The following MMP16 variants were observed in gnomAD, a reference collection of about 807,000 sequenced individuals.
MMP16 encodes matrix metallopeptidase 16.
MMP16 carries 12 observed loss-of-function variants against 67.8 expected under a neutral mutation model. That is an observed-to-expected ratio of 0.18 (90% CI 0.11 to 0.29). MMP16 has a LOEUF of 0.29. Among genes scored for constraint, MMP16 ranks in the 10% least tolerant of loss-of-function variants. MMP16 has a pLI of 1.00. For synonymous variants in MMP16, 249 were observed against 255.9 expected (o/e 0.97, Z 0.26); for missense variants, 475 against 765.7 (o/e 0.62, Z 4.48).
At chr8:88,154,602 T>C (rs1808474080) in intron 4 of MMP16, among the ~76,000 whole-genome samples, 1 of 151,516 alleles carries the variant, frequency 6.6e-6, no homozygotes, top group African/African-American at 2.4e-5. Context: ...TCATTCTCAG[T>C]TAACTATCGC....
At chr8:88,297,024 T>C (rs1811024473) in intron 1 of MMP16, among the ~76,000 whole-genome samples, 1 of 152,110 alleles carries the variant, frequency 6.6e-6, no homozygotes, top group African/African-American at 2.4e-5. Flanking sequence ...AAATTTCCAG[T>C]ATATTTATTA....
intron 1 of MMP16, among the ~76,000 whole-genome samples, chr8:88,294,920 C>T (rs1810989496): frequency 6.6e-6 from 1 of 152,138 alleles, no homozygotes; most frequent in Non-Finnish European, 1.5e-5. Flanking sequence ...ACCATGTTGG[C>T]CAGGCTGGCC....
Position 88,208,095 on chromosome 8 carries a change from A to G in MMP16, c.133-10789T>C, listed in dbSNP as rs540624841. Among the ~76,000 whole-genome samples the G allele has an allele frequency of 2.6e-5, 4 of 152,338 alleles. No homozygotes were observed. In the South Asian group the frequency reaches 6.2e-4, roughly 24 times the overall value. ...TGAAGAAAATCATTGAGAAGAAAAC[A>G]TAGTTGCCTGTATATAGTTTTAATG... is the stretch of plus-strand genomic sequence containing the variant. On this transcript the variant is annotated intron_variant, in intron 1 of 9. Transcript: ENST00000286614.
chr8:88,110,820 A>G (rs1438269003), intron 6 of MMP16, among the ~76,000 whole-genome samples: 2 of 151,712 alleles, frequency 1.3e-5, no homozygotes, highest in African/African-American at 4.8e-5. Flanking sequence ...AATTTCAAAT[A>G]GTATCAGAAT....
chr8:88,273,091 C>T, intron 1 of MMP16, among the ~76,000 whole-genome samples: 1 of 146,950 alleles, frequency 6.8e-6, no homozygotes, highest in Middle Eastern at 3.5e-3. Flanking sequence ...ATAACCTGCC[C>T]TTTTTTTTTT....
chr8:88,210,035 G>A (rs1809488916), intron 1 of MMP16, among the ~76,000 whole-genome samples: 1 of 152,060 alleles, frequency 6.6e-6, no homozygotes, highest in Non-Finnish European at 1.5e-5. Context: ...TTCCAGCAGT[G>A]AGTATACTAC....
At chr8:88,161,344 T>C (rs1808619140) in intron 4 of MMP16, among the ~76,000 whole-genome samples, 2 of 152,314 alleles carry the variant, frequency 1.3e-5, no homozygotes, top group South Asian at 4.1e-4. Context: ...TAGAGGTGTT[T>C]ATAGTATTCT....
intron 1 of MMP16, among the ~76,000 whole-genome samples, chr8:88,199,478 G>A (rs184788549): frequency 4.6e-5 from 7 of 151,992 alleles, no homozygotes; most frequent in East Asian, 1.9e-4. Flanking sequence ...TATGGTCAAG[G>A]TTTGTTTTCT....
At chr8:88,042,178 G>A (rs148128154) in intron 9 of MMP16, among the ~76,000 whole-genome samples, 4 of 152,262 alleles carry the variant, frequency 2.6e-5, no homozygotes, top group African/African-American at 9.6e-5. Flanking sequence ...ATTGAAAGAT[G>A]CTGAAACAGC....
intron 1 of MMP16, among the ~76,000 whole-genome samples, chr8:88,228,106 A>T (rs946363094): frequency 3.9e-5 from 6 of 152,096 alleles, no homozygotes; most frequent in Non-Finnish European, 8.8e-5. Context: ...CTTAGCAGTG[A>T]TTAAAACATT....
chr8:88,218,822 CTAAAG>C (rs1196518002), intron 1 of MMP16, among the ~76,000 whole-genome samples: 3 of 151,990 alleles, frequency 2.0e-5, no homozygotes, highest in Non-Finnish European at 2.9e-5. Context: ...AAATTAAAAT[CTAAAG>C]TAAACTACAG....
intron 4 of MMP16, among the ~76,000 whole-genome samples, chr8:88,143,605 C>A (rs573469134): frequency 7.2e-5 from 11 of 152,018 alleles, no homozygotes; most frequent in African/African-American, 2.7e-4. Flanking sequence ...ATGCCACAAA[C>A]TTGCAAAGGA....
intron 4 of MMP16, among the ~76,000 whole-genome samples, chr8:88,155,548 G>A (rs1008096623): frequency 6.6e-6 from 1 of 152,150 alleles, no homozygotes; most frequent in South Asian, 2.1e-4. Flanking sequence ...GTTTGCTTAT[G>A]TATTTTGCTT....
intron 1 of MMP16, among the ~76,000 whole-genome samples, chr8:88,302,371 C>CT (rs1165583158): frequency 6.6e-6 from 1 of 152,168 alleles, no homozygotes; most frequent in Non-Finnish European, 1.5e-5. Flanking sequence ...CCTCTCAGCT[C>CT]TTTGTTTTTC....
chr8:88,287,400 G>A (rs536662195), intron 1 of MMP16, among the ~76,000 whole-genome samples: 2 of 152,146 alleles, frequency 1.3e-5, no homozygotes, highest in African/African-American at 4.8e-5. Context: ...TCACTTGTTA[G>A]GAGAAACTTG....
At chr8:88,282,225 C>G (rs1341527371) in intron 1 of MMP16, among the ~76,000 whole-genome samples, 1 of 151,980 alleles carries the variant, frequency 6.6e-6, no homozygotes, top group Non-Finnish European at 1.5e-5. Flanking sequence ...CAGGCGTGCA[C>G]CACCACACCC....
At chr8:88,225,826 C>A (rs1809760162) in intron 1 of MMP16, among the ~76,000 whole-genome samples, 1 of 151,976 alleles carries the variant, frequency 6.6e-6, no homozygotes, top group South Asian at 2.1e-4. Flanking sequence ...CTCTGAATCA[C>A]AAGTGTTTTG....
At chr8:88,282,958 T>G (rs1585997832) in intron 1 of MMP16, among the ~76,000 whole-genome samples, 1 of 152,298 alleles carries the variant, frequency 6.6e-6, no homozygotes, top group East Asian at 1.9e-4. Context: ...TTGGTAATAC[T>G]CTATGGCTTT....
In MMP16 at chr8:88,038,351, T is replaced by C. The variant is rs893364111; in HGVS notation, c.*3110A>G. 3.9e-5 allele frequency: 6 copies of C among 152,458 alleles called. No individual in the cohort carries two copies. The highest frequency in any genetic ancestry group is 1.3e-4 in the Admixed American group (2 of 15,244). 9.4% of individuals were successfully genotyped at this position (152,458 alleles called of 1,614,324 possible). The stretch of plus-strand genomic sequence containing the variant: ...TAAAGTAAATATGACCCAACCCTTA[T>C]TCATGACATTTGCCAGAATTCAAGC... On this transcript the variant is annotated 3_prime_UTR_variant, in exon 10 of 10. Transcript: ENST00000286614. The surrounding 1 kb of genome is among the most constrained non-coding windows in gnomAD (Gnocchi z 4.1).
Sources: gnomAD v4.1 joint callset for allele counts (sites outside exome capture counted in the v4.1 genomes callset) on GRCh38, gnomAD v4.1.1 for gene constraint, Gnocchi (gnomAD v3.1) non-coding constraint, MANE v1.5 for transcripts, NCBI Gene and HGNC (gene_info 2026-07-23, HGNC 2026-07-21) for gene names.